Variants in MFAP1 observed in about 807,000 individuals in gnomAD.
MFAP1 encodes the protein microfibril associated protein 1.
In MFAP1, 18 loss-of-function variants were observed where a neutral mutation model predicts 62.2. The ratio of observed to expected loss-of-function variants is 0.29; its 90% CI spans 0.20 to 0.43. The LOEUF (loss-of-function observed/expected upper bound fraction) is 0.43, where lower values mean the gene tolerates loss of function less well. MFAP1 is among the 20% of genes least tolerant of loss of function. The probability of loss-of-function intolerance (pLI) is 1.00; values close to 1 mark genes in which losing one functional copy is unlikely to be tolerated. For missense variants in MFAP1, 355 were observed against 559.7 expected, an observed-to-expected ratio of 0.63 and a Z score of 3.69; for synonymous variants, 175 against 180.4, an observed-to-expected ratio of 0.97 and a Z score of 0.24.
intron 7 of MFAP1, among the ~76,000 whole-genome samples, chr15:43,808,351 C>T (rs972417297): frequency 9.2e-5 from 14 of 152,130 alleles, no homozygotes; most frequent in Non-Finnish European, 7.3e-5. Context: ...ACTACAGGCA[C>T]GGACCACCAC....
intron 6 of MFAP1, among the ~76,000 whole-genome samples, chr15:43,811,070 A>C (rs1217829211): frequency 2.7e-5 from 4 of 150,320 alleles, no homozygotes; most frequent in Admixed American, 2.7e-4. Flanking sequence ...TACAATTTTA[A>C]AGGGCACTTA....
rs2087488517 is a variant in MFAP1 at position 43,824,678 on chromosome 15, C to T, written c.-109G>A. 1 of 1,069,976 alleles carries T rather than the reference C, an allele frequency of 9.3e-7. No homozygotes were observed. The highest frequency in any genetic ancestry group is 2.5e-5 in the East Asian group (1 of 40,028). The allele number at this position is 1,069,976 out of a possible 1,614,324, so 66.3% of individuals were successfully genotyped here. A position where few individuals can be genotyped will look rare whatever the true frequency, so the allele number is the denominator to read the frequency against. On this transcript the variant is annotated 5_prime_UTR_variant, in exon 1 of 9. Transcript: ENST00000267812. ...CTTCCACCTGAGTCCGCGAACACAG[C>T]TGCGCGACTGATAGAGAAACTACTT...
chr15:43,811,496 A>G (rs1461660229), intron 6 of MFAP1, among the ~76,000 whole-genome samples: 2 of 149,496 alleles, frequency 1.3e-5, no homozygotes, highest in Non-Finnish European at 3.0e-5. Flanking sequence ...TACTCAGGCA[A>G]GTTTTCTTTT....
chr15:43,809,953 G>A, intron 6 of MFAP1, 39 bp from the exon 7 acceptor site: 1 of 1,604,386 alleles, frequency 6.2e-7, no homozygotes, highest in Non-Finnish European at 8.5e-7. Context: ...TACTGTTACA[G>A]CTTCAGAAAG....
chr15:43,805,930 C>CT (rs1215826616), intron 7 of MFAP1, among the ~76,000 whole-genome samples: 1 of 150,778 alleles, frequency 6.6e-6, no homozygotes, highest in Non-Finnish European at 1.5e-5. Flanking sequence ...ATTCTTTTTC[C>CT]TTTGTTGTAT....
chr15:43,805,554 G>A, intron 7 of MFAP1, 89 bp from the exon 8 acceptor site: 1 of 1,009,396 alleles, frequency 9.9e-7, no homozygotes, highest in South Asian at 1.7e-5. Context: ...AAGGGATACA[G>A]AGAAAGCAGA....
At chr15:43,823,479 C>T (rs1002963630) in intron 1 of MFAP1, among the ~76,000 whole-genome samples, 2 of 151,580 alleles carry the variant, frequency 1.3e-5, no homozygotes, top group African/African-American at 2.4e-5. Flanking sequence ...CGGGTTCAAG[C>T]AATTCTCCTG....
intron 2 of MFAP1, 115 bp from the exon 3 acceptor site, chr15:43,815,189 T>C (rs1596057426): frequency 2.2e-6 from 3 of 1,390,090 alleles, no homozygotes; most frequent in East Asian, 4.8e-5. Context: ...CTGAAGTTTT[T>C]TTTTTTTTGA....
chr15:43,814,125 T>C (rs1253502081), intron 4 of MFAP1, among the ~76,000 whole-genome samples: 1 of 152,020 alleles, frequency 6.6e-6, no homozygotes, highest in Non-Finnish European at 1.5e-5. Flanking sequence ...TGGTGGCGCA[T>C]GCCTGTAATC....
rs537128331 is a variant in MFAP1 at position 43,804,599 on chromosome 15, A to G, written c.*495T>C. On this transcript the variant is annotated 3_prime_UTR_variant, in exon 9 of 9. Coordinates refer to ENST00000267812, the MANE Select transcript of MFAP1 (RefSeq NM_005926.3). Reference sequence around the variant, plus strand: ...AATCTCCTTGTTGTGTGATTCTTTTATTTCTTGACATGCACACATATATGG... The same window carrying G: ...AATCTCCTTGTTGTGTGATTCTTTTGTTTCTTGACATGCACACATATATGG... 6.6e-6 allele frequency: 1 copy of G among 152,506 alleles called. No homozygotes were observed. The highest frequency in any genetic ancestry group is 1.5e-5 in the Non-Finnish European group (1 of 68,206). 9.4% of individuals were successfully genotyped at this position (152,506 alleles called of 1,614,324 possible).
At chr15:43,811,956 G>A (rs780773023) in intron 6 of MFAP1, among the ~76,000 whole-genome samples, 11 of 152,082 alleles carry the variant, frequency 7.2e-5, no homozygotes, top group East Asian at 5.8e-4. Flanking sequence ...TTGGGAGGCC[G>A]AGTTGGGTGG....
At chr15:43,817,824 T>C (rs1421427527) in intron 1 of MFAP1, among the ~76,000 whole-genome samples, 1 of 152,184 alleles carries the variant, frequency 6.6e-6, no homozygotes, top group South Asian at 2.1e-4. Flanking sequence ...GCCCAGCACA[T>C]AGTAAGGGTA....
rs181257034 is a variant in MFAP1 at position 43,806,276 on chromosome 15, T to C, written c.1048-811A>G. On this transcript the variant is annotated intron_variant, in intron 7 of 8. Transcript: ENST00000267812. ...CATATATCATAAGTTGGATATTTTA[T>C]TGGGACTTGAAATGCACGTCTAAAG... Among the ~76,000 whole-genome samples the C allele has an allele frequency of 2.3e-4, 35 of 152,318 alleles. No individual in the cohort carries two copies. In the East Asian group the frequency reaches 6.0e-3, roughly 26 times the overall value.
chr15:43,820,658 T>A (rs767239287), intron 1 of MFAP1, among the ~76,000 whole-genome samples: 8 of 152,170 alleles, frequency 5.3e-5, no homozygotes, highest in Non-Finnish European at 1.0e-4. Flanking sequence ...TAGGGTGGAG[T>A]GCGGTGGCGC....
chr15:43,814,494 T>C lies in MFAP1; in HGVS notation c.617+7A>G. On this transcript the variant is annotated splice_region_variant and intron_variant, in intron 4 of 8. Coordinates refer to ENST00000267812, the MANE Select transcript of MFAP1 (RefSeq NM_005926.3). ...GTGGATTCAGATCTGGCTTGTGAGATACTTACTTTCGAATGAAGACTGGCT... is the reference window on the plus strand; with the variant it reads ...GTGGATTCAGATCTGGCTTGTGAGACACTTACTTTCGAATGAAGACTGGCT... 2.5e-6 allele frequency: 4 copies of C among 1,602,218 alleles called. No homozygotes were observed. The highest frequency in any genetic ancestry group is 1.1e-5 in the South Asian group (1 of 89,618).
chr15:43,809,330 A>T, intron 7 of MFAP1, among the ~76,000 whole-genome samples: 1 of 151,354 alleles, frequency 6.6e-6, no homozygotes, highest in South Asian at 2.1e-4. Context: ...ATTAAAAAAA[A>T]AATAACCAAA....
chr15:43,807,008 C>T (rs1233534966), intron 7 of MFAP1, among the ~76,000 whole-genome samples: 3 of 152,144 alleles, frequency 2.0e-5, no homozygotes, highest in East Asian at 3.9e-4. Flanking sequence ...TGCCTCCACT[C>T]CTGCTGGTCT....
At position 43,815,052 on chromosome 15, in the gene MFAP1, C is replaced by A; in HGVS notation, c.322G>T (p.Val108Leu). The change falls in exon 3 of 9, where the codon GTG becomes TTG. Residue 108 changes from valine to leucine, a missense_variant. By Grantham distance (32) the Val-to-Leu change is conservative. This residue lies in a region of MFAP1 where 257 missense variants were observed against 341.3 expected (regional missense o/e 0.75). Coordinates refer to ENST00000267812, the MANE Select transcript of MFAP1 (RefSeq NM_005926.3). ...EERLARHRKIVEPEVVGESDS... is the reference protein window; with the variant it reads ...EERLARHRKILEPEVVGESDS... Reference sequence around the variant, plus strand: ...CTCTCTCCTACCACTTCAGGTTCCACTATTTTTCGATGTCGAGCCAATCTG... The same window carrying A: ...CTCTCTCCTACCACTTCAGGTTCCAATATTTTTCGATGTCGAGCCAATCTG... 6.2e-7 allele frequency: 1 copy of A among 1,614,166 alleles called. No individual in the cohort carries two copies. Among genetic ancestry groups the A allele is most frequent in the Non-Finnish European group, 8.5e-7 (1 of 1,180,038 alleles).
intron 7 of MFAP1, among the ~76,000 whole-genome samples, chr15:43,808,807 T>C (rs187071585): frequency 3.1e-4 from 47 of 152,358 alleles, no homozygotes; most frequent in African/African-American, 1.1e-3. Flanking sequence ...ATATTTAGAA[T>C]TTGCCACACG....
Sources: allele counts gnomAD v4.1 joint callset (sites outside exome capture counted in the v4.1 genomes callset), GRCh38; gene constraint gnomAD v4.1.1; regional missense constraint gnomAD v4.1.1; transcripts MANE v1.5; gene names NCBI Gene and HGNC (gene_info 2026-07-23, HGNC 2026-07-21).